The following FAM171B variants were observed in gnomAD, a reference collection of about 807,000 sequenced individuals.
FAM171B encodes the protein protein FAM171B.
FAM171B carries 19 observed loss-of-function variants against 75.6 expected under a neutral mutation model. The observed-to-expected ratio is 0.25, with a 90% CI of 0.18 to 0.37. FAM171B has a LOEUF of 0.37. Ranked by LOEUF, FAM171B falls within the 10% of genes least tolerant of loss-of-function variation. The pLI is 1.00. For synonymous variants in FAM171B, 367 were observed against 361.7 expected, an observed-to-expected ratio of 1.01 and a Z score of -0.17; for missense variants, 848 against 982.4, an observed-to-expected ratio of 0.86 and a Z score of 1.83.
chr2:186,696,073 A>G (rs1356299673), intron 1 of FAM171B, among the ~76,000 whole-genome samples: 1 of 152,166 alleles, frequency 6.6e-6, no homozygotes, highest in African/African-American at 2.4e-5. Context: ...GCAAATTAAA[A>G]TGTTTGCTTT....
intron 6 of FAM171B, among the ~76,000 whole-genome samples, chr2:186,755,703 TC>T (rs1183207941): frequency 1.3e-5 from 2 of 152,234 alleles, no homozygotes; most frequent in African/African-American, 4.8e-5. Context: ...GTTTCAATTT[TC>T]TTTTTTGATT....
At chr2:186,735,644 C>T (rs1177413756) in intron 1 of FAM171B, among the ~76,000 whole-genome samples, 1 of 152,180 alleles carries the variant, frequency 6.6e-6, no homozygotes, top group African/African-American at 2.4e-5. Context: ...ATAATTAAGG[C>T]AGCTTGAAGG....
At chr2:186,746,142 C>G (rs1399245759) in intron 3 of FAM171B, among the ~76,000 whole-genome samples, 1 of 152,158 alleles carries the variant, frequency 6.6e-6, no homozygotes, top group Admixed American at 6.5e-5. Flanking sequence ...AAGAGTTGAT[C>G]TTTGAATTAT....
At chr2:186,761,282 C>G in intron 7 of FAM171B, 46 bp downstream of exon 7, 3 of 1,604,270 alleles carry the variant, frequency 1.9e-6, no homozygotes, top group Non-Finnish European at 2.6e-6. Context: ...GTTATGGTAT[C>G]ATTTCAGTAT....
chr2:186,763,769 A>C lies in FAM171B; in HGVS notation c.*946A>C, dbSNP rs2105794795. The C allele has an allele frequency of 6.6e-6, 1 of 152,220 alleles. No individual in the cohort carries two copies. The highest frequency in any genetic ancestry group is 2.4e-5 in the African/African-American group (1 of 41,568). The allele number at this position is 152,220 out of a possible 1,614,324, so 9.4% of individuals were successfully genotyped here. On this transcript the variant is annotated 3_prime_UTR_variant, in exon 8 of 8. Transcript: ENST00000304698. The stretch of plus-strand genomic sequence containing the variant: ...GAAAGTTTCTTTTGAACACTAAAAT[A>C]AAATATGTGCAGATAAAATATACAT...
At chr2:186,701,551 A>G (rs1689661330) in intron 1 of FAM171B, among the ~76,000 whole-genome samples, 1 of 152,146 alleles carries the variant, frequency 6.6e-6, no homozygotes, top group South Asian at 2.1e-4. Context: ...GAAAGCACTT[A>G]TTTACTTACT....
intron 1 of FAM171B, among the ~76,000 whole-genome samples, chr2:186,735,870 G>A (rs118074751): frequency 6.6e-6 from 1 of 152,202 alleles, no homozygotes; most frequent in Non-Finnish European, 1.5e-5. Context: ...AACAGCTTAA[G>A]ACTCAAAGCT....
At position 186,751,207 on chromosome 2, in the gene FAM171B, G is replaced by A. The variant is rs769575903; in HGVS notation, c.798G>A (p.Lys266=). 3 of 1,611,734 alleles carry A rather than the reference G, an allele frequency of 1.9e-6. No homozygotes were observed. The African/African-American group carries it at 4.0e-5, about 22-fold the overall frequency. Residue 266 remains lysine (K), a synonymous_variant, in exon 5 of 8, where the codon AAG becomes AAA. Transcript: ENST00000304698. ...VKIYSGGKEL[K]VNGSIQVSLP... is the part of the protein sequence containing the mutation. ...TATATTCTGGAGGAAAAGAACTAAAGGTCAATGGCTCTATTCAAGTTTCTC... is the reference window on the plus strand; with the variant it reads ...TATATTCTGGAGGAAAAGAACTAAAAGTCAATGGCTCTATTCAAGTTTCTC...
chr2:186,705,404 G>A (rs916007701), intron 1 of FAM171B, among the ~76,000 whole-genome samples: 3 of 152,068 alleles, frequency 2.0e-5, no homozygotes, highest in African/African-American at 7.2e-5. Flanking sequence ...TCTGTTGTCT[G>A]AGTCCTGCCT....
At chr2:186,710,722 T>A (rs1689799497) in intron 1 of FAM171B, among the ~76,000 whole-genome samples, 1 of 152,214 alleles carries the variant, frequency 6.6e-6, no homozygotes. Flanking sequence ...GTCATTTAAA[T>A]TTGAAGTTTC....
intron 1 of FAM171B, among the ~76,000 whole-genome samples, chr2:186,730,238 C>T (rs1227050141): frequency 4.6e-5 from 7 of 152,170 alleles, no homozygotes; most frequent in South Asian, 2.1e-4. Context: ...GGATTACAGG[C>T]GTGAGCCACC....
At chr2:186,711,951 G>C (rs967141373) in intron 1 of FAM171B, among the ~76,000 whole-genome samples, 1 of 152,086 alleles carries the variant, frequency 6.6e-6, no homozygotes, top group Non-Finnish European at 1.5e-5. Context: ...TTTTAAATTA[G>C]TTTCTAATTG....
chr2:186,728,740 A>G (rs1241800987), intron 1 of FAM171B, among the ~76,000 whole-genome samples: 1 of 152,204 alleles, frequency 6.6e-6, no homozygotes, highest in Non-Finnish European at 1.5e-5. Context: ...TTGAAACATA[A>G]TGGAAACGAA....
chr2:186,741,282 A>C (rs777269717), intron 2 of FAM171B, among the ~76,000 whole-genome samples: 3 of 152,122 alleles, frequency 2.0e-5, no homozygotes, highest in Non-Finnish European at 4.4e-5. Flanking sequence ...AAATATAAGA[A>C]AATAAACTAT....
intron 1 of FAM171B, among the ~76,000 whole-genome samples, chr2:186,696,866 A>G (rs1173067383): frequency 1.3e-4 from 3 of 23,840 alleles, no homozygotes; most frequent in African/African-American, 2.0e-4. Flanking sequence ...CAGCTGTTCT[A>G]ATAAGCCTGT....
At chr2:186,739,701 G>A (rs974966405) in intron 1 of FAM171B, among the ~76,000 whole-genome samples, 4 of 152,124 alleles carry the variant, frequency 2.6e-5, no homozygotes, top group South Asian at 2.1e-4. Flanking sequence ...TGAAGGACCT[G>A]CCTGAGTCTT....
intron 1 of FAM171B, among the ~76,000 whole-genome samples, chr2:186,714,102 T>C (rs1056676182): frequency 2.0e-5 from 3 of 148,864 alleles, no homozygotes; most frequent in Non-Finnish European, 4.4e-5. Context: ...TTTTTAGAAT[T>C]CTGCTGTCAG....
chr2:186,761,216 T>C lies in FAM171B; in HGVS notation c.1116T>C (p.Ala372=). The change falls in exon 7 of 8, where the codon GCT becomes GCC. Residue 372 remains alanine (A), a synonymous_variant. Coordinates refer to ENST00000304698, the MANE Select transcript of FAM171B (RefSeq NM_177454.4). ...GTIVIVIGFF[A]VLLCYCRDKC... ...TAGTCATTGTCATTGGATTTTTTGC[T>C]GTACTACTTTGTTATTGCAGGTAAG... 6.2e-7 allele frequency: 1 copy of C among 1,611,900 alleles called. No homozygotes were observed. Among genetic ancestry groups the C allele is most frequent in the Non-Finnish European group, 8.5e-7 (1 of 1,179,030 alleles).
rs567837013 is a variant in FAM171B, at chr2:186,730,136, T to A, written c.239-10092T>A. On this transcript the variant is annotated intron_variant, in intron 1 of 7. Transcript: ENST00000304698. ...CCACCACACCTAGCTAATTTTTGTATTTTTAATAGAGACAGGGTTTTACCA... is the reference window on the plus strand; with the variant it reads ...CCACCACACCTAGCTAATTTTTGTAATTTTAATAGAGACAGGGTTTTACCA... 3.9e-5 allele frequency among the ~76,000 whole-genome samples: 6 copies of A among 152,304 alleles called. No individual in the cohort carries two copies. The South Asian group carries it at 1.2e-3, about 32-fold the overall frequency.
Sources: allele counts gnomAD v4.1 joint callset (sites outside exome capture counted in the v4.1 genomes callset), GRCh38; gene constraint gnomAD v4.1.1; transcripts MANE v1.5; gene names NCBI Gene and HGNC (gene_info 2026-07-23, HGNC 2026-07-21).